Variants in COL4A4 observed in about 807,000 individuals in gnomAD.
The protein encoded by COL4A4 is collagen type IV alpha 4 chain.
A neutral mutation model predicts 192.9 loss-of-function variants in COL4A4; 105 were observed. The observed-to-expected ratio is 0.54, with a 90% confidence interval of 0.46 to 0.64. COL4A4 has a LOEUF of 0.64. Among genes scored for constraint, COL4A4 ranks in the 30% least tolerant of loss-of-function variants. The probability of loss-of-function intolerance (pLI) is 0.00; values close to 1 mark genes in which losing one functional copy is unlikely to be tolerated. For synonymous variants in COL4A4, 762 were observed against 769.9 expected, an observed-to-expected ratio of 0.99 and a Z score of 0.17; for missense variants, 1,967 against 2,169.3, an observed-to-expected ratio of 0.91 and a Z score of 1.85.
Position 227,135,627 on chromosome 2 carries a change from G to C in COL4A4, c.192+4534C>G, listed in dbSNP as rs1034602956. ...ACCACCAGCTCAGCTCCCAAATCCT[G>C]TCCAGGCTGGAATCTATTTTTTTTT... On this transcript the variant is annotated intron_variant, in intron 4 of 47. Coordinates refer to ENST00000396625, the MANE Select transcript of COL4A4 (RefSeq NM_000092.5). Among the ~76,000 whole-genome samples, 3 of 145,946 alleles carry C rather than the reference G, an allele frequency of 2.1e-5. No individual in the cohort carries two copies. In the South Asian group the frequency reaches 6.9e-4, roughly 33 times the overall value.
intron 44 of COL4A4, among the ~76,000 whole-genome samples, chr2:227,019,500 C>T (rs942545909): frequency 2.6e-5 from 4 of 152,182 alleles, no homozygotes; most frequent in South Asian, 2.1e-4. Flanking sequence ...TCTGTGCTCC[C>T]GCCATCTCCC....
chr2:227,020,072 A>G (rs1432167327), intron 44 of COL4A4, among the ~76,000 whole-genome samples: 5 of 152,178 alleles, frequency 3.3e-5, no homozygotes, highest in Admixed American at 3.3e-4. Flanking sequence ...CTGGAGGGGG[A>G]AAACACATCT....
intron 45 of COL4A4, among the ~76,000 whole-genome samples, chr2:227,010,917 G>C (rs1051061030): frequency 1.3e-5 from 2 of 152,192 alleles, no homozygotes; most frequent in Non-Finnish European, 2.9e-5. Flanking sequence ...GAACTGCTGA[G>C]CAAGTGCTCC....
intron 4 of COL4A4, among the ~76,000 whole-genome samples, chr2:227,130,903 A>G (rs772144723): frequency 6.6e-6 from 1 of 151,652 alleles, no homozygotes; most frequent in Non-Finnish European, 1.5e-5. Flanking sequence ...TGCCTCCCAA[A>G]TATGTCCACC....
intron 44 of COL4A4, among the ~76,000 whole-genome samples, chr2:227,017,588 G>T (rs115937174): frequency 6.6e-6 from 1 of 152,244 alleles, no homozygotes; most frequent in African/African-American, 2.4e-5. Context: ...TTTGAGGGCC[G>T]CCCTGGAAGG....
In COL4A4 at chr2:227,038,612, T is replaced by C. The variant is rs1575983889; in HGVS notation, c.3505+3536A>G. Among the ~76,000 whole-genome samples, 3 of 152,320 alleles carry C rather than the reference T, an allele frequency of 2.0e-5. No homozygotes were observed. The South Asian group carries it at 6.2e-4, about 32-fold the overall frequency. On this transcript the variant is annotated intron_variant, in intron 37 of 47. Transcript: ENST00000396625. ...TTTGTAATTATGTGAAGAAAGTCAA[T>C]GGTAGCTGGAATCAAGCCATTTTTA... is the stretch of plus-strand genomic sequence containing the variant.
At chr2:226,971,353 C>T in the COL4A4 span, among the ~76,000 whole-genome samples, 12 of 152,212 alleles carry the variant, frequency 7.9e-5, no homozygotes, top group Non-Finnish European at 1.5e-4. Flanking sequence ...TGTCGAAGGA[C>T]GTCTGAACCC....
At chr2:227,044,905 A>G (rs1972131818) in intron 35 of COL4A4, among the ~76,000 whole-genome samples, 1 of 152,244 alleles carries the variant, frequency 6.6e-6, no homozygotes, top group African/African-American at 2.4e-5. Flanking sequence ...GCCATGGCAT[A>G]TGGGAAAGGG....
At chr2:227,102,935 A>G in intron 14 of COL4A4, 87 bp from the exon 15 acceptor site, 1 of 1,178,006 alleles carries the variant, frequency 8.5e-7, no homozygotes. Context: ...GGGAAAAAAA[A>G]CAAAATGAGA....
chr2:227,060,120 A>AAAC lies in COL4A4; in HGVS notation c.2164+15_2164+16insGTT, dbSNP rs1553644258. On this transcript the variant is annotated intron_variant, in intron 27 of 47. Transcript: ENST00000396625. ...AAAGCAGAAAAAAAAAAAAAAAAAA[A>AAAC]AAAAACCTCACTGACCAGGTGGACC... 16 of 1,403,934 alleles carry AAAC rather than the reference A, an allele frequency of 1.1e-5. No homozygotes were observed. Among genetic ancestry groups the AAAC allele is most frequent in the Non-Finnish European group, 1.5e-5 (15 of 1,020,690 alleles). The allele number at this position is 1,403,934 out of a possible 1,614,324, so 87.0% of individuals were successfully genotyped here.
chr2:227,117,339 T>C (rs1185765956), intron 7 of COL4A4, among the ~76,000 whole-genome samples: 8 of 152,216 alleles, frequency 5.3e-5, no homozygotes. Context: ...TGGCCTGATT[T>C]GAGGAGCTTA....
At chr2:227,040,518 G>A (rs187170797) in intron 37 of COL4A4, among the ~76,000 whole-genome samples, 306 of 151,986 alleles carry the variant, frequency 2.0e-3, no homozygotes, top group Non-Finnish European at 3.6e-3. Context: ...TACAACGTAA[G>A]TGTTATGCTA....
chr2:227,011,660 C>G (rs534819771), intron 45 of COL4A4, among the ~76,000 whole-genome samples: 68 of 152,302 alleles, frequency 4.5e-4, no homozygotes, highest in African/African-American at 1.6e-3. Flanking sequence ...AGTCCTATGT[C>G]CCCTTTCCCA....
intron 22 of COL4A4, among the ~76,000 whole-genome samples, chr2:227,083,694 T>A (rs549392391): frequency 6.6e-6 from 1 of 152,320 alleles, no homozygotes; most frequent in South Asian, 2.1e-4. Flanking sequence ...CCTTAAGGGA[T>A]CCTGCTGCCT....
At chr2:227,155,499 G>A (rs113729755) in intron 1 of COL4A4, among the ~76,000 whole-genome samples, 8 of 152,268 alleles carry the variant, frequency 5.3e-5, no homozygotes, top group African/African-American at 1.9e-4. Flanking sequence ...TCAGAGTATT[G>A]TCAAGTCTCT....
At chr2:227,001,967 G>GT (rs1190539755), downstream of COL4A4, among the ~76,000 whole-genome samples, 1 of 152,142 alleles carries the variant, frequency 6.6e-6, no homozygotes, top group African/African-American at 2.4e-5. Flanking sequence ...GAAGCCAAGA[G>GT]TTTAAGACGA....
chr2:227,143,755 G>A lies in COL4A4; in HGVS notation c.114+761C>T, dbSNP rs559082102. On this transcript the variant is annotated intron_variant, in intron 3 of 47. Coordinates refer to ENST00000396625, the MANE Select transcript of COL4A4 (RefSeq NM_000092.5). ...ATACTCTCAAATGCATGTCAACAAA[G>A]TCGGGCAAGTCTTATCATCCCTACT... Among the ~76,000 whole-genome samples the A allele has an allele frequency of 1.4e-3, 217 of 152,234 alleles. 2 individuals are homozygous for A. The highest frequency in any genetic ancestry group is 5.1e-3 in the African/African-American group (210 of 41,558).
chr2:227,103,951 A>G (rs1576528995), intron 13 of COL4A4, 21 bp downstream of exon 13: 20 of 1,578,882 alleles, frequency 1.3e-5, no homozygotes, highest in African/African-American at 4.0e-5. Context: ...TTCCAAGGTG[A>G]CATATGGATT....
chr2:227,162,161 T>C (rs2064889568), intron 1 of COL4A4, among the ~76,000 whole-genome samples: 1 of 152,214 alleles, frequency 6.6e-6, no homozygotes, highest in South Asian at 2.1e-4. Context: ...CTCTCCAGCA[T>C]TGCCTCTTTC....
Sources: gnomAD v4.1 joint callset for allele counts (sites outside exome capture counted in the v4.1 genomes callset) on GRCh38, gnomAD v4.1.1 for gene constraint, MANE v1.5 for transcripts, NCBI Gene and HGNC (gene_info 2026-07-23, HGNC 2026-07-21) for gene names.